RHOT1: variants seen among roughly 807,000 people sequenced by gnomAD.
RHOT1 encodes mitochondrial Rho GTPase 1.
Under a neutral mutation model 95.3 loss-of-function variants are expected in RHOT1, and 27 were observed. The observed-to-expected ratio is 0.28, with a 90% CI of 0.21 to 0.39. The LOEUF (loss-of-function observed/expected upper bound fraction) is 0.39, where lower values mean the gene tolerates loss of function less well. Among genes scored for constraint, RHOT1 ranks in the 10% least tolerant of loss-of-function variants. The pLI is 1.00. For synonymous variants in RHOT1, 227 were observed against 263.5 expected (o/e 0.86, Z 1.34); for missense variants, 578 against 786.7 (o/e 0.73, Z 3.17).
At chr17:32,149,564 C>A (rs1265213595) in intron 1 of RHOT1, among the ~76,000 whole-genome samples, 6 of 96,394 alleles carry the variant, frequency 6.2e-5, no homozygotes, top group Non-Finnish European at 1.2e-4. Flanking sequence ...GAGGCCGAGG[C>A]GGGTGAATCA....
intron 1 of RHOT1, among the ~76,000 whole-genome samples, chr17:32,149,871 C>G (rs1232000547): frequency 2.0e-5 from 3 of 151,714 alleles, no homozygotes; most frequent in Non-Finnish European, 2.9e-5. Flanking sequence ...GCCTCAGCCT[C>G]CATAGTAGCT....
chr17:32,210,086 A>G (rs1019308086), intron 18 of RHOT1, among the ~76,000 whole-genome samples: 1 of 152,106 alleles, frequency 6.6e-6, no homozygotes, highest in African/African-American at 2.4e-5. Context: ...CTGTGGTCTC[A>G]TCAGATCTCA....
intron 16 of RHOT1, among the ~76,000 whole-genome samples, chr17:32,206,301 G>A (rs796428866): frequency 4.1e-4 from 61 of 147,240 alleles, no homozygotes; most frequent in African/African-American, 1.5e-3. Context: ...TGCTTTCCAG[G>A]CTCAAGCGAT....
intron 16 of RHOT1, among the ~76,000 whole-genome samples, chr17:32,205,309 G>A (rs1034577922): frequency 2.0e-5 from 3 of 151,992 alleles, no homozygotes; most frequent in Non-Finnish European, 4.4e-5. Context: ...TGAGAATGAC[G>A]GCTTCCAGTT....
chr17:32,174,742 T>C (rs563855506), intron 3 of RHOT1, among the ~76,000 whole-genome samples: 1 of 152,320 alleles, frequency 6.6e-6, no homozygotes, highest in South Asian at 2.1e-4. Context: ...TCTTCAATTA[T>C]TTGCTTTCTA....
chr17:32,168,189 C>T (rs149034258), intron 1 of RHOT1, among the ~76,000 whole-genome samples: 5,791 of 152,020 alleles, frequency 0.038, 152 homozygotes, highest in Non-Finnish European at 0.055. Context: ...CAGATGGAGA[C>T]GTACAAGGAG....
At chr17:32,147,724 G>A (rs1010753162) in intron 1 of RHOT1, among the ~76,000 whole-genome samples, 5 of 151,862 alleles carry the variant, frequency 3.3e-5, no homozygotes, top group African/African-American at 9.7e-5. Context: ...GGAGGCTGAG[G>A]CAGGAGAATC....
chr17:32,213,528 G>A lies in RHOT1; in HGVS notation c.1862+2290G>A, dbSNP rs529832789. Among the ~76,000 whole-genome samples, 3 of 152,182 alleles carry A rather than the reference G, an allele frequency of 2.0e-5. No homozygotes were observed. The South Asian group carries it at 6.2e-4, about 32-fold the overall frequency. Reference sequence around the variant, plus strand: ...TATGTTATTATCCAGCCCACATTTTGTCTTCCTGTCTTATCAGATATTTCA... The same window carrying A: ...TATGTTATTATCCAGCCCACATTTTATCTTCCTGTCTTATCAGATATTTCA... On this transcript the variant is annotated intron_variant, in intron 19 of 19. Coordinates refer to ENST00000545287, the MANE Select transcript of RHOT1 (RefSeq NM_001033566.3).
At chr17:32,155,543 C>T in intron 1 of RHOT1, among the ~76,000 whole-genome samples, 1 of 144,096 alleles carries the variant, frequency 6.9e-6, no homozygotes, top group East Asian at 2.1e-4. Flanking sequence ...GATCCTAACA[C>T]ATTTCAAAAA....
chr17:32,174,128 G>A lies in RHOT1; in HGVS notation c.178+216G>A, dbSNP rs141828757. Among the ~76,000 whole-genome samples, 723 of 152,220 alleles carry A rather than the reference G, an allele frequency of 4.7e-3. 6 individuals carry two copies. Among genetic ancestry groups the A allele is most frequent in the African/African-American group, 0.016 (666 of 41,528 alleles). On this transcript the variant is annotated intron_variant, in intron 3 of 19. Coordinates refer to ENST00000545287, the MANE Select transcript of RHOT1 (RefSeq NM_001033566.3). ...CAGTTCTTCGTCCCCAGATTACTAAGTTGGGTTCCATAATACCTGTGGCTG... is the reference window on the plus strand; with the variant it reads ...CAGTTCTTCGTCCCCAGATTACTAAATTGGGTTCCATAATACCTGTGGCTG...
At position 32,224,596 on chromosome 17, in the gene RHOT1, A is replaced by G; in HGVS notation, c.1863-20A>G. 1 of 1,531,118 alleles carries G rather than the reference A, an allele frequency of 6.5e-7. No homozygotes were observed. Among genetic ancestry groups the G allele is most frequent in the Admixed American group, 1.8e-5 (1 of 55,788 alleles). The allele number at this position is 1,531,118 out of a possible 1,614,324, so 94.8% of individuals were successfully genotyped here. ...CATACTAATCATGTTTTAAATAATA[A>G]TTATATTTTCTGACTGCAGGCACGT... On this transcript the variant is annotated intron_variant, in intron 19 of 19. Coordinates refer to ENST00000545287, the MANE Select transcript of RHOT1 (RefSeq NM_001033566.3).
chr17:32,208,080 A>G, intron 17 of RHOT1, 27 bp from the exon 18 acceptor site: 2 of 1,594,834 alleles, frequency 1.3e-6, no homozygotes, highest in East Asian at 4.5e-5. Context: ...TTGTTATCAG[A>G]TTTTGATTTC....
At chr17:32,182,518 A>C (rs866165694) in intron 6 of RHOT1, among the ~76,000 whole-genome samples, 3 of 152,058 alleles carry the variant, frequency 2.0e-5, no homozygotes, top group African/African-American at 7.3e-5. Flanking sequence ...AATGGGTAGG[A>C]CCTTCTGTCT....
Position 32,206,192 on chromosome 17 carries a change from C to CTTTT in RHOT1, c.1417-691_1417-688dup, listed in dbSNP as rs71144812. On this transcript the variant is annotated intron_variant, in intron 16 of 19. Transcript: ENST00000545287. Reference sequence around the variant, plus strand: ...TCACTAATACTAGCTTCCATAGAATCTTTTTTTTTTTTTTTTTTTTTTTTT... The same window carrying CTTTT: ...TCACTAATACTAGCTTCCATAGAATCTTTTTTTTTTTTTTTTTTTTTTTTTTTTT... Among the ~76,000 whole-genome samples, 296 of 60,540 alleles carry CTTTT rather than the reference C, an allele frequency of 4.9e-3. 24 individuals carry two copies. Among genetic ancestry groups the CTTTT allele is most frequent in the African/African-American group, 0.016 (207 of 13,010 alleles). 39.7% of individuals were successfully genotyped at this position (60,540 alleles called of 152,430 possible).
rs34176535 is a variant in RHOT1 at position 32,206,441 on chromosome 17, C to CTTTTTTTTTT, written c.1417-450_1417-441dup. 1.8e-4 allele frequency among the ~76,000 whole-genome samples: 12 copies of CTTTTTTTTTT among 67,026 alleles called. 1 individual carries two copies. The highest frequency in any genetic ancestry group is 2.5e-4 in the African/African-American group (4 of 16,024). The allele number at this position is 67,026 out of a possible 152,430, so 44.0% of individuals were successfully genotyped here. On this transcript the variant is annotated intron_variant, in intron 16 of 19. Transcript: ENST00000545287. ...GAAGATACTTATTTGTCTATACTTT[C>CTTTTTTTTTT]TTTTTTTTTTTTTTTTTTTTTTTTT...
rs1158702579 is a variant in RHOT1 at position 32,224,990 on chromosome 17, A to C, written c.*257A>C. The C allele has an allele frequency of 4.1e-6, 1 of 246,890 alleles. No individual in the cohort carries two copies. The highest frequency in any genetic ancestry group is 7.9e-5 in the East Asian group (1 of 12,598). 15.3% of individuals were successfully genotyped at this position (246,890 alleles called of 1,614,324 possible). A position where few individuals can be genotyped will look rare whatever the true frequency, so the allele number is the denominator to read the frequency against. ...GGGAATATTTTGTAAATATATGTAC[A>C]TATTCAGGCAAGATATGGTCTCCCA... On this transcript the variant is annotated 3_prime_UTR_variant, in exon 20 of 20. Transcript: ENST00000545287.
intron 1 of RHOT1, among the ~76,000 whole-genome samples, chr17:32,169,171 G>A (rs975423351): frequency 6.6e-6 from 1 of 152,058 alleles, no homozygotes; most frequent in Non-Finnish European, 1.5e-5. Flanking sequence ...CCCAGAGACT[G>A]GACTTGTGTT....
At chr17:32,219,352 TC>T (rs2038684623) in intron 19 of RHOT1, among the ~76,000 whole-genome samples, 1 of 152,190 alleles carries the variant, frequency 6.6e-6, no homozygotes, top group Non-Finnish European at 1.5e-5. Flanking sequence ...GGTCTTGAAC[TC>T]CTGGTCTTAA....
At chr17:32,220,805 C>CAAAAA (rs35901144) in intron 19 of RHOT1, among the ~76,000 whole-genome samples, 1 of 99,048 alleles carries the variant, frequency 1.0e-5, no homozygotes. Context: ...GACTCTGTCT[C>CAAAAA]AAAAAAAAAA....
Sources: allele counts gnomAD v4.1 joint callset (sites outside exome capture counted in the v4.1 genomes callset), GRCh38; gene constraint gnomAD v4.1.1; transcripts MANE v1.5; gene names NCBI Gene and HGNC (gene_info 2026-07-23, HGNC 2026-07-21).